The following CSNK1A1 variants were observed in gnomAD, a reference collection of about 807,000 sequenced individuals.
The protein encoded by CSNK1A1 is casein kinase 1 alpha 1, also known as casein kinase I isoform alpha.
Under a neutral mutation model 46.1 loss-of-function variants are expected in CSNK1A1, and 7 were observed. The ratio of observed to expected loss-of-function variants is 0.15; its 90% CI spans 0.09 to 0.29. The LOEUF (loss-of-function observed/expected upper bound fraction) is 0.29, where lower values mean the gene tolerates loss of function less well. Ranked by LOEUF, CSNK1A1 falls within the 10% of genes least tolerant of loss-of-function variation. CSNK1A1 has a pLI of 1.00. For synonymous variants in CSNK1A1, 137 were observed against 141.5 expected (o/e 0.97, Z 0.23); for missense variants, 96 against 417.1 (o/e 0.23, Z 6.71).
At chr5:149,527,364 C>A (rs1355565800) in intron 2 of CSNK1A1, among the ~76,000 whole-genome samples, 1 of 152,106 alleles carries the variant, frequency 6.6e-6, no homozygotes, top group Non-Finnish European at 1.5e-5. Context: ...CTGACCTCAG[C>A]TGATCCACCT....
At position 149,517,203 on chromosome 5, in the gene CSNK1A1, T is replaced by C. The variant is rs1334907171; in HGVS notation, c.456+3087A>G. On this transcript the variant is annotated intron_variant, in intron 4 of 9. Coordinates refer to ENST00000377843, the MANE Select transcript of CSNK1A1 (RefSeq NM_001892.6). The surrounding 1 kb of genome is among the most constrained non-coding windows in gnomAD (Gnocchi z 4.4). ...AAGTGCTTAAGCTATGTTATTGTTA[T>C]ATTGTTAAGAATGCAGTATCTTCTA... Among the ~76,000 whole-genome samples the C allele has an allele frequency of 6.6e-6, 1 of 152,314 alleles. No homozygotes were observed. Among genetic ancestry groups the C allele is most frequent in the Non-Finnish European group, 1.5e-5 (1 of 68,010 alleles).
At chr5:149,513,746 C>T (rs569181438) in intron 4 of CSNK1A1, among the ~76,000 whole-genome samples, 1 of 151,992 alleles carries the variant, frequency 6.6e-6, no homozygotes, top group Non-Finnish European at 1.5e-5. Context: ...ACAAAAAATA[C>T]AAAAATAGCC....
intron 9 of CSNK1A1, chr5:149,501,842 T>C: frequency 1.0e-6 from 1 of 974,830 alleles, no homozygotes; most frequent in Non-Finnish European, 1.2e-6. Context: ...ACTTTTTTGA[T>C]AATCACATAT....
chr5:149,534,906 CA>C (rs537826461), intron 2 of CSNK1A1, among the ~76,000 whole-genome samples: 3,091 of 72,502 alleles, frequency 0.043, 22 homozygotes, highest in African/African-American at 0.075. Context: ...CCTTGTCTCC[CA>C]AAAAAAAAAA....
chr5:149,537,835 T>C (rs1762108523), intron 2 of CSNK1A1, among the ~76,000 whole-genome samples: 1 of 149,156 alleles, frequency 6.7e-6, no homozygotes, highest in South Asian at 2.1e-4. Context: ...TGTTTGGGGC[T>C]CATCTCAATA....
intron 2 of CSNK1A1, chr5:149,545,427 C>T: frequency 1.9e-6 from 1 of 534,838 alleles, no homozygotes; most frequent in Non-Finnish European, 3.4e-6. Flanking sequence ...TTGGGAGGAG[C>T]CTGAGCTGGA....
rs192557818 is a variant in CSNK1A1 at position 149,517,255 on chromosome 5, A to C, written c.456+3035T>G. 1.3e-5 allele frequency among the ~76,000 whole-genome samples: 2 copies of C among 152,198 alleles called. No homozygotes were observed. Among genetic ancestry groups the C allele is most frequent in the Non-Finnish European group, 2.9e-5 (2 of 68,040 alleles). ...TTCCAGAGCCTATAATGCTCTGTAA[A>C]TATCCATTTGCTAGAAGTTGAGAAT... is the stretch of plus-strand genomic sequence containing the variant. On this transcript the variant is annotated intron_variant, in intron 4 of 9. Coordinates refer to ENST00000377843, the MANE Select transcript of CSNK1A1 (RefSeq NM_001892.6). This position sits in a 1 kb window ranked among gnomAD's most constrained non-coding sequence, Gnocchi z 4.4.
intron 2 of CSNK1A1, chr5:149,545,885 T>C (rs1697144069): frequency 3.3e-6 from 1 of 305,708 alleles, no homozygotes; most frequent in East Asian, 8.5e-5. Context: ...TGCCATTCTC[T>C]TATCCTTGCT....
intron 2 of CSNK1A1, among the ~76,000 whole-genome samples, chr5:149,534,849 C>T (rs1366708387): frequency 2.8e-5 from 4 of 144,496 alleles, no homozygotes; most frequent in Non-Finnish European, 6.0e-5. Flanking sequence ...ACTTGAGCCT[C>T]GGCTGTTGAG....
At chr5:149,529,175 G>T (rs1761810051) in intron 2 of CSNK1A1, among the ~76,000 whole-genome samples, 1 of 152,088 alleles carries the variant, frequency 6.6e-6, no homozygotes, top group Admixed American at 6.6e-5. Flanking sequence ...AAGATAAAAT[G>T]TTCGGGGATC....
chr5:149,503,874 G>A, intron 9 of CSNK1A1: 1 of 985,386 alleles, frequency 1.0e-6, no homozygotes, highest in Non-Finnish European at 1.2e-6. Context: ...TATAGAAACT[G>A]CAACTTGTGA....
Position 149,496,271 on chromosome 5 carries a change from A to C in CSNK1A1, c.*582T>G, listed in dbSNP as rs1760651450. 6.5e-6 allele frequency: 1 copy of C among 152,798 alleles called. No individual in the cohort carries two copies. Among genetic ancestry groups the C allele is most frequent in the Admixed American group, 6.5e-5 (1 of 15,306 alleles). The allele number at this position is 152,798 out of a possible 1,614,324, so 9.5% of individuals were successfully genotyped here. A position where few individuals can be genotyped will look rare whatever the true frequency, so the allele number is the denominator to read the frequency against. On this transcript the variant is annotated 3_prime_UTR_variant, in exon 10 of 10. Coordinates refer to ENST00000377843, the MANE Select transcript of CSNK1A1 (RefSeq NM_001892.6). Reference sequence around the variant, plus strand: ...GATGCTGTTATTTCTAGCACAATTAAGCAGGCAGAGTCTTTCATATGCTCA... The same window carrying C: ...GATGCTGTTATTTCTAGCACAATTACGCAGGCAGAGTCTTTCATATGCTCA...
chr5:149,512,077 A>G (rs569877418), intron 5 of CSNK1A1, among the ~76,000 whole-genome samples: 1 of 152,218 alleles, frequency 6.6e-6, no homozygotes, highest in East Asian at 1.9e-4. Flanking sequence ...GGAATCCAAA[A>G]TCTGACAAAC....
rs1760649611 is a variant in CSNK1A1, at chr5:149,496,167, A to AC, written c.*685dup. 6.6e-6 allele frequency: 1 copy of AC among 152,592 alleles called. No homozygotes were observed. Among genetic ancestry groups the AC allele is most frequent in the Non-Finnish European group, 1.5e-5 (1 of 68,030 alleles). The allele number at this position is 152,592 out of a possible 1,614,324, so 9.5% of individuals were successfully genotyped here. A position where few individuals can be genotyped will look rare whatever the true frequency, so the allele number is the denominator to read the frequency against. On this transcript the variant is annotated 3_prime_UTR_variant, in exon 10 of 10. Coordinates refer to ENST00000377843, the MANE Select transcript of CSNK1A1 (RefSeq NM_001892.6). ...GTGACAAATATGCTTTTTTTTTAAT[A>AC]CCAAGAACATTATAGAGTTAATGCA...
intron 2 of CSNK1A1, among the ~76,000 whole-genome samples, chr5:149,535,630 T>C (rs146733806): frequency 6.6e-6 from 1 of 152,218 alleles, no homozygotes; most frequent in Non-Finnish European, 1.5e-5. Context: ...CAAATGGCTT[T>C]CTTTTTGTTT....
intron 2 of CSNK1A1, among the ~76,000 whole-genome samples, chr5:149,538,451 T>G (rs1168123564): frequency 6.6e-6 from 1 of 152,198 alleles, no homozygotes; most frequent in Non-Finnish European, 1.5e-5. Context: ...CAAGAGAGTC[T>G]CAAACTATCA....
At chr5:149,512,001 G>A in intron 5 of CSNK1A1, 129 bp from the exon 6 acceptor site, 1 of 650,126 alleles carries the variant, frequency 1.5e-6, no homozygotes, top group Non-Finnish European at 2.5e-6. Flanking sequence ...TACGCAAGAA[G>A]CTACTTATTT....
In CSNK1A1 at chr5:149,497,106, C is replaced by T. The variant is rs1760677596; in HGVS notation, c.1007-246G>A. The T allele has an allele frequency of 1.7e-5, 21 of 1,254,512 alleles. No individual in the cohort carries two copies. The South Asian group carries it at 4.7e-4, about 28-fold the overall frequency. 77.7% of individuals were successfully genotyped at this position (1,254,512 alleles called of 1,614,324 possible). On this transcript the variant is annotated intron_variant, in intron 9 of 9. Coordinates refer to ENST00000377843, the MANE Select transcript of CSNK1A1 (RefSeq NM_001892.6). ...GTACAGTGAATTCAAAGCCTCTCAG[C>T]ATACTAAAATAATTATTAGTAATTC...
In CSNK1A1 at chr5:149,541,990, A is replaced by AG. The variant is rs1487210880; in HGVS notation, c.230+8084_230+8085insC. Among the ~76,000 whole-genome samples, 29 of 151,206 alleles carry AG rather than the reference A, an allele frequency of 1.9e-4. 1 individual carries two copies. The highest frequency in any genetic ancestry group is 6.6e-4 in the African/African-American group (27 of 41,124). On this transcript the variant is annotated intron_variant, in intron 2 of 9. Transcript: ENST00000377843. ...CATCTCAAAAAAAAAAAAAAAAAAA[A>AG]AAAAAGATCTAGGTCCAGAAATGAC...
Sources: allele counts gnomAD v4.1 joint callset (sites outside exome capture counted in the v4.1 genomes callset), GRCh38; gene constraint gnomAD v4.1.1; non-coding constraint Gnocchi (gnomAD v3.1); transcripts MANE v1.5; gene names NCBI Gene and HGNC (gene_info 2026-07-23, HGNC 2026-07-21).